The following TAB2 variants were observed in gnomAD, a reference collection of about 807,000 sequenced individuals.
The protein encoded by TAB2 is TGF-beta-activated kinase 1 and MAP3K7-binding protein 2.
A neutral mutation model predicts 65.0 loss-of-function variants in TAB2; 3 were observed. That is an observed-to-expected ratio of 0.05 (90% CI 0.02 to 0.12). TAB2 has a LOEUF of 0.12. Among genes scored for constraint, TAB2 ranks in the 10% least tolerant of loss-of-function variants. The probability of loss-of-function intolerance (pLI) is 1.00; values close to 1 mark genes in which losing one functional copy is unlikely to be tolerated. For synonymous variants in TAB2, 298 were observed against 285.1 expected (o/e 1.05, Z -0.46); for missense variants, 623 against 840.3 (o/e 0.74, Z 3.20).
At chr6:149,365,679 A>G (rs893745998) in intron 1 of TAB2, among the ~76,000 whole-genome samples, 5 of 152,164 alleles carry the variant, frequency 3.3e-5, no homozygotes, top group Non-Finnish European at 5.9e-5. Context: ...ATTTTTAGCC[A>G]TAATTTCTTC....
At chr6:149,392,769 G>A (rs1263195183) in intron 3 of TAB2, among the ~76,000 whole-genome samples, 9 of 152,054 alleles carry the variant, frequency 5.9e-5, no homozygotes, top group Non-Finnish European at 1.5e-5. Context: ...CATTTTTATG[G>A]GGTTTCAGGA....
intron 1 of TAB2, among the ~76,000 whole-genome samples, chr6:149,354,977 A>T (rs1780609848): frequency 6.6e-6 from 1 of 152,206 alleles, no homozygotes. Context: ...TCAAAAAATA[A>T]ATGCAGTTTT....
intron 1 of TAB2, among the ~76,000 whole-genome samples, chr6:149,220,650 C>T (rs1050965516): frequency 2.3e-4 from 35 of 152,262 alleles, no homozygotes; most frequent in Middle Eastern, 3.4e-3. Flanking sequence ...CAGAGTCTTG[C>T]TCTGTCGCCT....
chr6:149,251,810 C>G (rs1392004468), intron 1 of TAB2, among the ~76,000 whole-genome samples: 1 of 152,118 alleles, frequency 6.6e-6, no homozygotes, highest in Non-Finnish European at 1.5e-5. Context: ...TATTTAAAAT[C>G]TAAAAGTATT....
intron 1 of TAB2, among the ~76,000 whole-genome samples, chr6:149,351,807 T>C (rs936776788): frequency 3.3e-5 from 5 of 152,226 alleles, no homozygotes; most frequent in African/African-American, 1.2e-4. Flanking sequence ...CCTTATATCA[T>C]AATTGTCTCA....
Position 149,378,473 on chromosome 6 carries a change from G to A in TAB2, c.558G>A (p.Gln186=). 6.2e-7 allele frequency: 1 copy of A among 1,614,164 alleles called. No homozygotes were observed. Among genetic ancestry groups the A allele is most frequent in the Non-Finnish European group, 8.5e-7 (1 of 1,180,040 alleles). Residue 186 remains glutamine (Q), a synonymous_variant, in exon 3 of 7, where the codon CAG becomes CAA. Coordinates refer to ENST00000637181, the MANE Select transcript of TAB2 (RefSeq NM_001292034.3). The part of the protein sequence containing the change: ...PIMVTLAPNI[Q]TGRNTPTSLH... ...TGGTAACTTTAGCCCCAAATATCCA[G>A]ACTGGTCGTAATACTCCTACATCTT...
intron 1 of TAB2, among the ~76,000 whole-genome samples, chr6:149,234,871 A>G (rs1162715961): frequency 6.7e-6 from 1 of 148,532 alleles, no homozygotes; most frequent in Non-Finnish European, 1.5e-5. Context: ...TGTGAAAAAA[A>G]AAAAAAAAAA....
At chr6:149,368,744 C>T (rs530159181) in intron 1 of TAB2, among the ~76,000 whole-genome samples, 80 of 151,118 alleles carry the variant, frequency 5.3e-4, no homozygotes, top group South Asian at 1.5e-3. Flanking sequence ...GTGATTTTAT[C>T]CATGAGATGT....
chr6:149,338,416 A>G (rs947249811), intron 1 of TAB2, among the ~76,000 whole-genome samples: 2 of 152,200 alleles, frequency 1.3e-5, no homozygotes, highest in African/African-American at 4.8e-5. Flanking sequence ...TAATTACAAA[A>G]TGGATGCGAT....
intron 3 of TAB2, among the ~76,000 whole-genome samples, chr6:149,382,753 T>G (rs1421022441): frequency 1.3e-5 from 2 of 152,122 alleles, no homozygotes; most frequent in African/African-American, 2.4e-5. Flanking sequence ...TACAACACTG[T>G]GGGGGCCACA....
chr6:149,256,001 TAAAC>T (rs1778024116), intron 1 of TAB2, among the ~76,000 whole-genome samples: 2 of 152,230 alleles, frequency 1.3e-5, no homozygotes, highest in South Asian at 2.1e-4. Context: ...AAGAATGAGT[TAAAC>T]TAACTCCTTC....
intron 1 of TAB2, among the ~76,000 whole-genome samples, chr6:149,306,905 G>A (rs1032499842): frequency 2.0e-5 from 3 of 152,190 alleles, no homozygotes; most frequent in African/African-American, 7.2e-5. Context: ...TTTGTAGTTT[G>A]TAAACTTTTG....
intron 1 of TAB2, among the ~76,000 whole-genome samples, chr6:149,259,010 T>C (rs1778098608): frequency 1.3e-5 from 2 of 152,060 alleles, no homozygotes; most frequent in Non-Finnish European, 2.9e-5. Flanking sequence ...CTCTAGACGC[T>C]AGAAAGGGCA....
intron 1 of TAB2, among the ~76,000 whole-genome samples, chr6:149,290,386 C>T (rs1405339124): frequency 1.3e-5 from 2 of 152,186 alleles, no homozygotes; most frequent in Non-Finnish European, 2.9e-5. Flanking sequence ...CGCACATTCT[C>T]TATTTTCCCT....
upstream of TAB2, chr6:149,218,590 T>C: frequency 3.6e-6 from 1 of 280,398 alleles, no homozygotes. Context: ...AGGGTCAGGG[T>C]AGGGGTTGAA....
intron 1 of TAB2, among the ~76,000 whole-genome samples, chr6:149,227,539 G>A (rs1001573834): frequency 1.3e-5 from 2 of 152,102 alleles, no homozygotes; most frequent in East Asian, 3.9e-4. Flanking sequence ...GGGAGCAGAG[G>A]CACTTCAGGG....
chr6:149,253,631 A>AAG (rs1316520170), intron 1 of TAB2, among the ~76,000 whole-genome samples: 1 of 147,818 alleles, frequency 6.8e-6, no homozygotes, highest in Non-Finnish European at 1.5e-5. Flanking sequence ...AAAAAAAAAA[A>AAG]AAAAAAAGAA....
intron 1 of TAB2, among the ~76,000 whole-genome samples, chr6:149,344,823 C>G (rs1045179094): frequency 6.6e-6 from 1 of 152,120 alleles, no homozygotes; most frequent in Non-Finnish European, 1.5e-5. Context: ...CCTGCAGTTT[C>G]TCACTTAATC....
chr6:149,293,503 C>G (rs1778817333), intron 1 of TAB2, among the ~76,000 whole-genome samples: 1 of 152,132 alleles, frequency 6.6e-6, no homozygotes, highest in African/African-American at 2.4e-5. Flanking sequence ...ATGCAGCTGT[C>G]CTGGCTTGTT....
Sources: allele counts gnomAD v4.1 joint callset (sites outside exome capture counted in the v4.1 genomes callset), GRCh38; gene constraint gnomAD v4.1.1; transcripts MANE v1.5; gene names NCBI Gene and HGNC (gene_info 2026-07-23, HGNC 2026-07-21).